The following INSC variants were observed in gnomAD, a reference collection of about 807,000 sequenced individuals.
INSC encodes INSC spindle orientation adaptor protein.
A neutral mutation model predicts 58.6 loss-of-function variants in INSC; 67 were observed. That is an observed-to-expected ratio of 1.14 (90% CI 0.94 to 1.40). The LOEUF is 1.40. Among genes scored for constraint, INSC ranks in the 40% most tolerant of loss-of-function variants. The pLI, the probability that INSC is intolerant of heterozygous loss-of-function variation, is 0.00. For missense variants in INSC, 714 were observed against 692.0 expected, an observed-to-expected ratio of 1.03 and a Z score of -0.36; for synonymous variants, 262 against 276.1, an observed-to-expected ratio of 0.95 and a Z score of 0.51.
chr11:15,149,088 T>C, intron 1 of INSC, 42 bp from the exon 2 acceptor site: 1 of 1,514,076 alleles, frequency 6.6e-7, no homozygotes, highest in Non-Finnish European at 8.9e-7. Context: ...TTGTGCCTCC[T>C]CTTTTAGGAT....
At chr11:15,199,155 C>T (rs1018963307) in intron 6 of INSC, among the ~76,000 whole-genome samples, 2 of 152,178 alleles carry the variant, frequency 1.3e-5, no homozygotes, top group Non-Finnish European at 2.9e-5. Context: ...AGCAGTCTTG[C>T]TCAGTGTCCA....
chr11:15,189,961 T>C lies in INSC; in HGVS notation c.580-740T>C, dbSNP rs545266450. On this transcript the variant is annotated intron_variant, in intron 5 of 12. Coordinates refer to ENST00000379556, the MANE Select transcript of INSC (RefSeq NM_001042536.3). ...ATAATCTTTGTATCTTTTTTGTTAA[T>C]GAATCTTTCATTTGCTTTCCTTCCT... is the stretch of plus-strand genomic sequence containing the variant. 1.2e-4 allele frequency among the ~76,000 whole-genome samples: 18 copies of C among 152,386 alleles called. 1 individual carries two copies. In the South Asian group the frequency reaches 3.3e-3, roughly 28 times the overall value.
At chr11:15,255,244 T>C in the INSC span, among the ~76,000 whole-genome samples, 170 of 152,206 alleles carry the variant, frequency 1.1e-3, no homozygotes, top group African/African-American at 3.1e-3. Context: ...CCAAACTCTA[T>C]TTGAAAAAAA....
intron 6 of INSC, among the ~76,000 whole-genome samples, chr11:15,199,300 G>T (rs185560365): frequency 6.6e-6 from 1 of 152,308 alleles, no homozygotes; most frequent in Non-Finnish European, 1.5e-5. Context: ...GAATATATAA[G>T]TTGTGATTAC....
the INSC span, among the ~76,000 whole-genome samples, chr11:15,260,460 C>T: frequency 6.6e-6 from 1 of 152,126 alleles, no homozygotes; most frequent in African/African-American, 2.4e-5. Context: ...AAATCTCAGT[C>T]AGCCACTTAC....
intron 9 of INSC, among the ~76,000 whole-genome samples, chr11:15,231,882 G>T (rs978862093): frequency 6.6e-5 from 10 of 152,156 alleles, no homozygotes; most frequent in Admixed American, 3.3e-4. Context: ...TGTGATCAGG[G>T]CTGACTGCTG....
chr11:15,226,058 T>A (rs1393067954), intron 9 of INSC, among the ~76,000 whole-genome samples: 1 of 151,998 alleles, frequency 6.6e-6, no homozygotes, highest in South Asian at 2.1e-4. Flanking sequence ...TGCAGGAAGG[T>A]AAAAGAATAT....
At chr11:15,179,995 G>A (rs1238329350) in intron 5 of INSC, among the ~76,000 whole-genome samples, 8 of 152,142 alleles carry the variant, frequency 5.3e-5, no homozygotes, top group Non-Finnish European at 1.0e-4. Context: ...AGTGGCTCAC[G>A]CCTGTAATTC....
chr11:15,203,193 T>C (rs1036259274), intron 7 of INSC, among the ~76,000 whole-genome samples: 4 of 152,188 alleles, frequency 2.6e-5, no homozygotes, highest in Non-Finnish European at 4.4e-5. Context: ...CACCCCTGTG[T>C]CACGACCTTG....
intron 1 of INSC, among the ~76,000 whole-genome samples, chr11:15,125,325 G>T (rs1023703795): frequency 6.6e-6 from 1 of 152,200 alleles, no homozygotes; most frequent in Non-Finnish European, 1.5e-5. Context: ...GCAATAATGG[G>T]TGCCAGCTCA....
Position 15,225,192 on chromosome 11 carries a change from C to T in INSC, c.992-458C>T, listed in dbSNP as rs139929008. ...CTGTAAAGTCACATTCTTAGGGACA[C>T]CTTTTGTTGCGCACCTCAGCGGAAC... On this transcript the variant is annotated intron_variant, in intron 8 of 12. Coordinates refer to ENST00000379556, the MANE Select transcript of INSC (RefSeq NM_001042536.3). Among the ~76,000 whole-genome samples, 84 of 152,330 alleles carry T rather than the reference C, an allele frequency of 5.5e-4. 1 individual carries two copies. In the East Asian group the frequency reaches 0.012, roughly 21 times the overall value.
intron 5 of INSC, chr11:15,188,065 C>T: frequency 2.3e-6 from 1 of 443,422 alleles, no homozygotes; most frequent in South Asian, 9.6e-5. Context: ...GCCAAAGTCC[C>T]CTGTTTGAGG....
chr11:15,156,777 G>A (rs1848829306), intron 2 of INSC, among the ~76,000 whole-genome samples: 1 of 152,126 alleles, frequency 6.6e-6, no homozygotes, highest in South Asian at 2.1e-4. Context: ...CACTATAGGT[G>A]GCAATCCTCC....
At chr11:15,244,549 A>G (rs547614145) in intron 12 of INSC, among the ~76,000 whole-genome samples, 3 of 152,082 alleles carry the variant, frequency 2.0e-5, no homozygotes, top group Non-Finnish European at 4.4e-5. Context: ...ATAACCTTGT[A>G]TCCTGGGGTT....
intron 6 of INSC, among the ~76,000 whole-genome samples, chr11:15,192,101 T>C (rs1162246457): frequency 6.6e-6 from 1 of 152,234 alleles, no homozygotes; most frequent in Non-Finnish European, 1.5e-5. Flanking sequence ...TGCTTCTCAA[T>C]TATGTTGGCA....
At chr11:15,264,200 A>G in the INSC span, among the ~76,000 whole-genome samples, 1 of 124,246 alleles carries the variant, frequency 8.0e-6, no homozygotes, top group African/African-American at 3.1e-5. Flanking sequence ...GGGGATAGCC[A>G]TCAGATCCTG....
chr11:15,119,709 A>G (rs1193780596), intron 1 of INSC, among the ~76,000 whole-genome samples: 1 of 152,124 alleles, frequency 6.6e-6, no homozygotes, highest in Admixed American at 6.5e-5. Flanking sequence ...GACACTGTTG[A>G]GGGACAGAAC....
the INSC span, among the ~76,000 whole-genome samples, chr11:15,257,006 A>G: frequency 1.3e-5 from 2 of 152,204 alleles, no homozygotes; most frequent in Non-Finnish European, 2.9e-5. Flanking sequence ...AAGTTTCTTT[A>G]TCAATTAAAA....
chr11:15,179,984 C>T (rs1486391436), intron 5 of INSC, among the ~76,000 whole-genome samples: 1 of 152,160 alleles, frequency 6.6e-6, no homozygotes, highest in African/African-American at 2.4e-5. Context: ...TGGCTGGACG[C>T]AGTGGCTCAC....
Sources: gnomAD v4.1 joint callset for allele counts (sites outside exome capture counted in the v4.1 genomes callset) on GRCh38, gnomAD v4.1.1 for gene constraint, MANE v1.5 for transcripts, NCBI Gene and HGNC (gene_info 2026-07-23, HGNC 2026-07-21) for gene names.